WDR41: variants seen among roughly 807,000 people sequenced by gnomAD.
WDR41 encodes WD repeat domain 41.
Under a neutral mutation model 69.3 loss-of-function variants are expected in WDR41, and 63 were observed. The observed-to-expected ratio is 0.91, with a 90% confidence interval of 0.74 to 1.12. WDR41 has a LOEUF of 1.12. WDR41 is among the 50% of genes most tolerant of loss of function. The pLI is 0.00. For synonymous variants in WDR41, 185 were observed against 192.1 expected (o/e 0.96, Z 0.31); for missense variants, 543 against 534.5 (o/e 1.02, Z -0.16).
At chr5:77,438,843 TATC>T (rs1261405667) in intron 9 of WDR41, among the ~76,000 whole-genome samples, 2 of 152,186 alleles carry the variant, frequency 1.3e-5, no homozygotes, top group East Asian at 3.9e-4. Flanking sequence ...ACAGTGGCAT[TATC>T]ATCATGCAAT....
At chr5:77,437,180 C>G (rs1285577288) in intron 11 of WDR41, among the ~76,000 whole-genome samples, 156 bp downstream of exon 11, 1 of 152,164 alleles carries the variant, frequency 6.6e-6, no homozygotes, top group Admixed American at 6.5e-5. Context: ...GCTGTAAATC[C>G]TAGATCTCAA....
Position 77,437,405 on chromosome 5 carries a change from C to T in WDR41, c.1024G>A (p.Glu342Lys). The change falls in exon 11 of 13, where the codon GAA (glutamate) becomes AAA (lysine). Residue 342 changes from glutamate (E) to lysine (K), a missense_variant. Physicochemically the swap from Glu to Lys is moderately conservative, Grantham distance 56 (BLOSUM62 1). Transcript: ENST00000296679. ...TCCCAAATGCGTACACTGCCATCTT[C>T]TGAGCATGAGATTAACTGCCTGTCA... ...LPNRQLISCS[E>K]DGSVRIWELR... 2 of 1,613,912 alleles carry T rather than the reference C, an allele frequency of 1.2e-6. No homozygotes were observed. Among genetic ancestry groups the T allele is most frequent in the African/African-American group, 1.3e-5 (1 of 75,034 alleles).
At chr5:77,435,070 G>A (rs184856405) in intron 12 of WDR41, among the ~76,000 whole-genome samples, 3 of 152,080 alleles carry the variant, frequency 2.0e-5, no homozygotes, top group Non-Finnish European at 4.4e-5. Flanking sequence ...CCTAGCCAAG[G>A]TGCTCCTTGC....
upstream of WDR41, chr5:77,492,437 C>A: frequency 1.9e-6 from 1 of 535,638 alleles, no homozygotes; most frequent in Non-Finnish European, 3.1e-6. Flanking sequence ...TTAGTTTGGG[C>A]AGTCGCTTGG....
At chr5:77,601,028 T>G (rs1016093978) in intron 1 of WDR41, among the ~76,000 whole-genome samples, 1 of 150,282 alleles carries the variant, frequency 6.7e-6, no homozygotes, top group Non-Finnish European at 1.5e-5. Flanking sequence ...AAGATCATAG[T>G]AAGAAAAGGT....
Position 77,500,224 on chromosome 5 carries a change from G to A in WDR41, c.43-10652C>T, listed in dbSNP as rs146596718. Among the ~76,000 whole-genome samples, 13 of 152,208 alleles carry A rather than the reference G, an allele frequency of 8.5e-5. No homozygotes were observed. In the East Asian group the frequency reaches 2.5e-3, roughly 29 times the overall value. ...CTTGAAACAAACATTAAAACACAAT[G>A]TATCAGCAAAGAAATAGAACATATA... is the stretch of plus-strand genomic sequence containing the variant. On this transcript the variant is annotated intron_variant, in intron 1 of 5. Coordinates refer to the WDR41 transcript ENST00000509971.
rs556972340 is a variant in WDR41 at position 77,502,537 on chromosome 5, T to C, written c.43-12965A>G. Among the ~76,000 whole-genome samples, 5 of 152,146 alleles carry C rather than the reference T, an allele frequency of 3.3e-5. No individual in the cohort carries two copies. In the South Asian group the frequency reaches 1.0e-3, roughly 32 times the overall value. ...ATAGATAACACCACAAAGATACTCC[T>C]CAAGAAGAGCAACCCCAAGACACAT... is the stretch of plus-strand genomic sequence containing the variant. On this transcript the variant is annotated intron_variant, in intron 1 of 5. Transcript: ENST00000509971.
intron 1 of WDR41, among the ~76,000 whole-genome samples, chr5:77,558,105 A>AC: frequency 7.2e-6 from 1 of 138,962 alleles, no homozygotes; most frequent in South Asian, 2.5e-4. Flanking sequence ...AAAAAAAAAA[A>AC]AAAAAAAAAA....
At chr5:77,615,557 AC>A (rs1271821147) in intron 1 of WDR41, among the ~76,000 whole-genome samples, 5 of 152,068 alleles carry the variant, frequency 3.3e-5, no homozygotes, top group African/African-American at 9.7e-5. Context: ...ATTGATGGTT[AC>A]TATAATAGCC....
chr5:77,452,585 C>T (rs1355549903), intron 6 of WDR41: 1 of 152,166 alleles, frequency 6.6e-6, no homozygotes, highest in Non-Finnish European at 1.5e-5. Flanking sequence ...GAAAGGACAT[C>T]ATGACATAAG....
At chr5:77,576,124 C>T (rs935923625) in intron 1 of WDR41, among the ~76,000 whole-genome samples, 2 of 152,068 alleles carry the variant, frequency 1.3e-5, no homozygotes, top group East Asian at 1.9e-4. Flanking sequence ...TAACTGTTTG[C>T]GATATGACAA....
At chr5:77,438,211 T>G in intron 10 of WDR41, 29 bp downstream of exon 10, 1 of 1,612,984 alleles carries the variant, frequency 6.2e-7, no homozygotes, top group Non-Finnish European at 8.5e-7. Flanking sequence ...CTTGCTTTCA[T>G]CTATTGCAGA....
chr5:77,555,351 C>T (rs982040047), intron 1 of WDR41, among the ~76,000 whole-genome samples: 2 of 152,192 alleles, frequency 1.3e-5, no homozygotes, highest in African/African-American at 4.8e-5. Flanking sequence ...CTTTGTCACA[C>T]AGGCTGAAGG....
intron 11 of WDR41, 97 bp downstream of exon 11, chr5:77,437,239 A>G (rs1304690831): frequency 1.0e-5 from 10 of 997,034 alleles, no homozygotes; most frequent in African/African-American, 4.8e-5. Flanking sequence ...GAGCATTTCT[A>G]TATTATTTTA....
In WDR41 at chr5:77,463,193, T is replaced by C. The variant is rs773208185; in HGVS notation, c.250A>G (p.Thr84Ala). The C allele has an allele frequency of 3.1e-6, 5 of 1,612,644 alleles. No homozygotes were observed. In the South Asian group the frequency reaches 4.4e-5, roughly 14 times the overall value. Reference sequence around the variant, plus strand: ...GTAATAATAGCTGTTATCTTTTGAGTGTGTCCATTCAGTTCTAAAAGTTTT... The same window carrying C: ...GTAATAATAGCTGTTATCTTTTGAGCGTGTCCATTCAGTTCTAAAAGTTTT... ...GEKLLELNGHTQKITAIITFP... is the reference protein window; with the variant it reads ...GEKLLELNGHAQKITAIITFP... The change falls in exon 4 of 13, where the codon ACT (threonine) becomes GCT (alanine). Residue 84 changes from threonine (T) to alanine (A), a missense_variant. Coordinates refer to ENST00000296679, the MANE Select transcript of WDR41 (RefSeq NM_018268.4).
chr5:77,491,873 A>C, intron 1 of WDR41: 1 of 460,636 alleles, frequency 2.2e-6, no homozygotes, highest in Non-Finnish European at 3.9e-6. Flanking sequence ...ACAGGTCCCA[A>C]TAGGACTGCT....
rs1334665712 is a variant in WDR41 at position 77,468,578 on chromosome 5, T to C, written c.168-3769A>G. ...ATGCTCATTTAATAGTTCTTACTCA[T>C]GTGAAGGCCTTTCAACTAAGTGAAG... On this transcript the variant is annotated intron_variant, in intron 2 of 12. Coordinates refer to ENST00000296679, the MANE Select transcript of WDR41 (RefSeq NM_018268.4). 5.9e-5 allele frequency among the ~76,000 whole-genome samples: 9 copies of C among 152,194 alleles called. No individual in the cohort carries two copies. The East Asian group carries it at 1.2e-3, about 20-fold the overall frequency.
At chr5:77,585,846 G>T (rs1456045377) in intron 1 of WDR41, among the ~76,000 whole-genome samples, 1 of 152,098 alleles carries the variant, frequency 6.6e-6, no homozygotes, top group Non-Finnish European at 1.5e-5. Flanking sequence ...GAGGGCGAGG[G>T]ATAAAATACT....
intron 1 of WDR41, among the ~76,000 whole-genome samples, chr5:77,600,653 G>A (rs961376858): frequency 3.3e-5 from 5 of 152,100 alleles, no homozygotes; most frequent in African/African-American, 7.2e-5. Context: ...AGGCAGAGGC[G>A]GGTGGATCAC....
Sources: gnomAD v4.1 joint callset for allele counts (sites outside exome capture counted in the v4.1 genomes callset) on GRCh38, gnomAD v4.1.1 for gene constraint, MANE v1.5 for transcripts, NCBI Gene and HGNC (gene_info 2026-07-23, HGNC 2026-07-21) for gene names.